The following DUSP11 variants were observed in gnomAD, a reference collection of about 807,000 sequenced individuals.
DUSP11 encodes the protein dual specificity phosphatase 11.
Under a neutral mutation model 41.4 loss-of-function variants are expected in DUSP11, and 27 were observed. The observed-to-expected ratio is 0.65, with a 90% CI of 0.48 to 0.90. The LOEUF (loss-of-function observed/expected upper bound fraction) is 0.90, where lower values mean the gene tolerates loss of function less well. DUSP11 is among the 40% of genes least tolerant of loss of function. The pLI, the probability that DUSP11 is intolerant of heterozygous loss-of-function variation, is 0.00. For synonymous variants in DUSP11, 188 were observed against 159.3 expected (o/e 1.18, Z -1.35); for missense variants, 465 against 461.1 (o/e 1.01, Z -0.08).
chr2:73,769,002 G>T, intron 5 of DUSP11: 7 of 283,750 alleles, frequency 2.5e-5, no homozygotes, highest in Non-Finnish European at 1.9e-5. Context: ...TATTTTCAAA[G>T]AAAGATGTCT....
intron 1 of DUSP11, among the ~76,000 whole-genome samples, chr2:73,778,627 C>T (rs563269283): frequency 6.6e-6 from 1 of 152,134 alleles, no homozygotes; most frequent in African/African-American, 2.4e-5. Flanking sequence ...TATATAAAAC[C>T]GGAGATACCC....
rs772476877 is a variant in DUSP11, at chr2:73,762,729, T to C, written c.1066A>G (p.Arg356Gly). The C allele has an allele frequency of 9.3e-6, 15 of 1,613,670 alleles. No individual in the cohort carries two copies. In the Admixed American group the frequency reaches 2.2e-4, roughly 23 times the overall value. Residue 356 changes from arginine (R) to glycine (G), a missense_variant, in exon 9 of 9, where the codon AGA becomes GGA. Arg to Gly is a moderately radical substitution (Grantham distance 125). Coordinates refer to ENST00000272444, the Ensembl canonical transcript of DUSP11. ...TAATTATAAGGATACCACCTTCTTC[T>C]ATCCTGGGCTGCCCGACTGGCATTG...
At chr2:73,775,149 A>G in intron 2 of DUSP11, 105 bp from the exon 3 acceptor site, 1 of 998,802 alleles carries the variant, frequency 1.0e-6, no homozygotes, top group Non-Finnish European at 1.4e-6. Context: ...GATTCAAAGG[A>G]AAGTTTCCAT....
intron 8 of DUSP11, among the ~76,000 whole-genome samples, chr2:73,765,835 A>G (rs1403345036): frequency 6.6e-6 from 1 of 152,238 alleles, no homozygotes; most frequent in Non-Finnish European, 1.5e-5. Flanking sequence ...CTAAGAATAT[A>G]AGATCCTTTT....
exon 1 of DUSP11, chr2:73,780,060 C>A (rs1672763393): frequency 6.2e-7 from 1 of 1,608,440 alleles, no homozygotes; most frequent in African/African-American, 1.3e-5. Flanking sequence ...AGACCCTAAA[C>A]AGGAAAAGAC....
intron 8 of DUSP11, 54 bp downstream of exon 8, chr2:73,766,364 C>A: frequency 3.6e-6 from 5 of 1,402,188 alleles, no homozygotes; most frequent in Non-Finnish European, 3.9e-6. Context: ...TTTTCATTAA[C>A]TATAGTATTA....
intron 7 of DUSP11, 96 bp from the exon 8 acceptor site, chr2:73,766,690 C>A: frequency 7.1e-7 from 1 of 1,411,856 alleles, no homozygotes; most frequent in South Asian, 1.3e-5. Context: ...ACAATTTCTT[C>A]CTTCTCCCAT....
chr2:73,779,751 A>C, intron 1 of DUSP11, 123 bp downstream of exon 1: 1 of 1,471,640 alleles, frequency 6.8e-7, no homozygotes, highest in Non-Finnish European at 9.2e-7. Flanking sequence ...AAAGCCTCAA[A>C]GCAAGCGGCG....
chr2:73,767,388 G>A (rs1341555757), intron 5 of DUSP11, 181 bp from the exon 6 acceptor site: 1 of 510,486 alleles, frequency 2.0e-6, no homozygotes, highest in African/African-American at 2.0e-5. Context: ...CGTTTTTCAA[G>A]AATGCAAGGA....
At chr2:73,776,518 A>G (rs1028610103) in intron 2 of DUSP11, among the ~76,000 whole-genome samples, 4 of 151,706 alleles carry the variant, frequency 2.6e-5, no homozygotes, top group Non-Finnish European at 5.9e-5. Context: ...TGCCTTCCCC[A>G]ACCCACCCAG....
chr2:73,767,609 G>T (rs1039493800), intron 5 of DUSP11: 16 of 158,836 alleles, frequency 1.0e-4, no homozygotes, highest in African/African-American at 3.8e-4. Flanking sequence ...AAAAAATACT[G>T]TATAACCAAC....
chr2:73,762,892 C>G, intron 8 of DUSP11, 33 bp from the exon 9 acceptor site: 1 of 1,096,422 alleles, frequency 9.1e-7, no homozygotes, highest in South Asian at 1.8e-5. Flanking sequence ...TAAGCCATTA[C>G]TAGGATTAAT....
At chr2:73,772,128 A>C (rs545594131) in intron 4 of DUSP11, among the ~76,000 whole-genome samples, 1 of 152,252 alleles carries the variant, frequency 6.6e-6, no homozygotes, top group East Asian at 1.9e-4. Context: ...CCTAACCCAC[A>C]TCTTAAACCA....
chr2:73,766,338 T>A, intron 8 of DUSP11, 80 bp downstream of exon 8: 3 of 1,188,316 alleles, frequency 2.5e-6, no homozygotes, highest in Non-Finnish European at 3.5e-6. Context: ...GAATTCCTCA[T>A]CAGTATCATA....
At chr2:73,777,974 T>A (rs1672715340) in intron 2 of DUSP11, among the ~76,000 whole-genome samples, 1 of 152,184 alleles carries the variant, frequency 6.6e-6, no homozygotes, top group Non-Finnish European at 1.5e-5. Flanking sequence ...TCTACATTTG[T>A]AATTCTTGAA....
chr2:73,766,283 T>G, intron 8 of DUSP11, 135 bp downstream of exon 8: 1 of 813,990 alleles, frequency 1.2e-6, no homozygotes, highest in South Asian at 2.1e-5. Flanking sequence ...TACTCCAGCC[T>G]GGATGACAGA....
exon 9 of DUSP11, chr2:73,762,699 T>C: frequency 6.2e-7 from 1 of 1,613,640 alleles, no homozygotes; most frequent in African/African-American, 1.3e-5. Context: ...TAGGAGAGTC[T>C]GGAGTAATTA....
intron 2 of DUSP11, among the ~76,000 whole-genome samples, chr2:73,775,863 T>TAAAAAA (rs1558535250): frequency 3.0e-5 from 3 of 101,500 alleles, no homozygotes; most frequent in African/African-American, 4.5e-5. Flanking sequence ...AAAAAAAAAT[T>TAAAAAA]TAAAAAAAAA....
At chr2:73,779,709 C>A in intron 1 of DUSP11, 165 bp downstream of exon 1, 1 of 1,020,194 alleles carries the variant, frequency 9.8e-7, no homozygotes, top group Non-Finnish European at 1.4e-6. Context: ...AGACATCGCC[C>A]CTTTCAGCTA....
Sources: gnomAD v4.1 joint callset for allele counts (sites outside exome capture counted in the v4.1 genomes callset) on GRCh38, gnomAD v4.1.1 for gene constraint, MANE v1.5 for transcripts, NCBI Gene and HGNC (gene_info 2026-07-23, HGNC 2026-07-21) for gene names.